Variants in MTREX observed in about 807,000 individuals in gnomAD.
MTREX encodes Mtr4 exosome RNA helicase, also known as exosome RNA helicase MTR4.
A neutral mutation model predicts 135.4 loss-of-function variants in MTREX; 76 were observed. The ratio of observed to expected loss-of-function variants is 0.56; its 90% CI spans 0.47 to 0.68. The LOEUF (loss-of-function observed/expected upper bound fraction) is 0.68. Ranked by LOEUF, MTREX falls within the 30% of genes least tolerant of loss-of-function variation. The pLI, the probability that MTREX is intolerant of heterozygous loss-of-function variation, is 0.00. For synonymous variants in MTREX, 404 were observed against 401.6 expected, an observed-to-expected ratio of 1.01 and a Z score of -0.07; for missense variants, 920 against 1,262.1, an observed-to-expected ratio of 0.73 and a Z score of 4.11.
chr5:55,328,639 T>C, intron 4 of MTREX, 60 bp from the exon 5 acceptor site: 1 of 1,186,554 alleles, frequency 8.4e-7, no homozygotes, highest in South Asian at 1.3e-5. Context: ...GTTTTGATTT[T>C]AAGTATGCTC....
At position 55,425,532 on chromosome 5, in the gene MTREX, C is replaced by A; in HGVS notation, c.*760C>A. On this transcript the variant is annotated 3_prime_UTR_variant, in exon 27 of 27. Coordinates refer to ENST00000230640, the MANE Select transcript of MTREX (RefSeq NM_015360.5). ...ATTAAGAGTTGCTTTGTTATGCCTTCAGCAAATAGCTTCATTTTGCCAATA... is the reference window on the plus strand; with the variant it reads ...ATTAAGAGTTGCTTTGTTATGCCTTAAGCAAATAGCTTCATTTTGCCAATA... 2 of 503,736 alleles carry A rather than the reference C, an allele frequency of 4.0e-6. No individual in the cohort carries two copies. Among genetic ancestry groups the A allele is most frequent in the Non-Finnish European group, 6.6e-6 (2 of 302,870 alleles). The allele number at this position is 503,736 out of a possible 1,614,324, so 31.2% of individuals were successfully genotyped here.
At chr5:55,419,473 G>C (rs1751021396) in intron 25 of MTREX, among the ~76,000 whole-genome samples, 1 of 152,162 alleles carries the variant, frequency 6.6e-6, no homozygotes, top group African/African-American at 2.4e-5. Flanking sequence ...GAGAAATTTT[G>C]AAGACTAAGT....
Position 55,402,842 on chromosome 5 carries a change from A to G in MTREX, c.2481+2421A>G, listed in dbSNP as rs13187436. On this transcript the variant is annotated intron_variant, in intron 21 of 26. Coordinates refer to ENST00000230640, the MANE Select transcript of MTREX (RefSeq NM_015360.5). ...ATTATATGTGTGTGTGTGTGTGTGT[A>G]TGTGTATGTATGTGTGTGTGTGTGT... Among the ~76,000 whole-genome samples, 329 of 46,870 alleles carry G rather than the reference A, an allele frequency of 7.0e-3. 2 individuals carry two copies. The highest frequency in any genetic ancestry group is 0.021 in the East Asian group (49 of 2,336). 30.7% of individuals were successfully genotyped at this position (46,870 alleles called of 152,430 possible). A position where few individuals can be genotyped will look rare whatever the true frequency, so the allele number is the denominator to read the frequency against.
intron 1 of MTREX, among the ~76,000 whole-genome samples, chr5:55,314,710 T>G (rs1213858211): frequency 6.6e-6 from 1 of 152,188 alleles, no homozygotes; most frequent in African/African-American, 2.4e-5. Flanking sequence ...TTGTCCTATT[T>G]TAAGCCAACC....
At chr5:55,353,595 T>TGAGA (rs1323714645) in intron 14 of MTREX, among the ~76,000 whole-genome samples, 2 of 152,216 alleles carry the variant, frequency 1.3e-5, no homozygotes, top group East Asian at 3.9e-4. Context: ...CGCAGCTACT[T>TGAGA]GAGAGGCTGA....
At chr5:55,349,536 C>CATTTTG in intron 11 of MTREX, 37 bp from the exon 12 acceptor site, 1 of 1,107,880 alleles carries the variant, frequency 9.0e-7, no homozygotes. Context: ...ATCACTAACT[C>CATTTTG]ATTTTGATAT....
chr5:55,340,011 T>C lies in MTREX; in HGVS notation c.517T>C (p.Tyr173His), dbSNP rs767879175. The stretch of plus-strand genomic sequence containing the variant: ...GATTATTTGTTTTCACATTTGTAGG[T>C]ATGCCATTGCATTGGCCTTAAGGGA... ...TSAGKTVCAE[Y>H]AIALALREKQ... is the part of the protein sequence containing the mutation. Residue 173 changes from tyrosine to histidine, a missense_variant and splice_region_variant, in exon 6 of 27, where the codon TAT becomes CAT. This residue lies in a region of MTREX where 82 missense variants were observed against 107.4 expected (regional missense o/e 0.76). Coordinates refer to ENST00000230640, the MANE Select transcript of MTREX (RefSeq NM_015360.5). The C allele has an allele frequency of 6.6e-7, 1 of 1,514,512 alleles. No individual in the cohort carries two copies. The highest frequency in any genetic ancestry group is 2.4e-5 in the East Asian group (1 of 40,946). 93.8% of individuals were successfully genotyped at this position (1,514,512 alleles called of 1,614,324 possible). A position where few individuals can be genotyped will look rare whatever the true frequency, so the allele number is the denominator to read the frequency against.
At chr5:55,359,088 T>TGCAA (rs1449150121) in intron 15 of MTREX, among the ~76,000 whole-genome samples, 2 of 152,262 alleles carry the variant, frequency 1.3e-5, no homozygotes, top group African/African-American at 2.4e-5. Flanking sequence ...CCTCTACCTT[T>TGCAA]GCAAGCGCAG....
chr5:55,409,673 C>A (rs1750856979), intron 22 of MTREX, among the ~76,000 whole-genome samples: 1 of 152,088 alleles, frequency 6.6e-6, no homozygotes, highest in Non-Finnish European at 1.5e-5. Flanking sequence ...AAGTAATAAG[C>A]TAGAACTTAA....
intron 1 of MTREX, among the ~76,000 whole-genome samples, chr5:55,318,604 T>C (rs1285524555): frequency 1.3e-5 from 2 of 152,038 alleles, no homozygotes; most frequent in Non-Finnish European, 2.9e-5. Flanking sequence ...CAACAGACAC[T>C]GGGGTCTACT....
chr5:55,423,079 T>C (rs557246928), intron 26 of MTREX, 97 bp downstream of exon 26: 26 of 834,646 alleles, frequency 3.1e-5, no homozygotes, highest in Non-Finnish European at 4.2e-5. Flanking sequence ...TTTTGAGATG[T>C]TCTTCACTGC....
intron 2 of MTREX, 31 bp from the exon 3 acceptor site, chr5:55,324,099 GTT>G: frequency 6.6e-7 from 1 of 1,504,128 alleles, no homozygotes; most frequent in Non-Finnish European, 9.2e-7. Context: ...AAAGTAATTT[GTT>G]TTTGTGTAAC....
rs373262489 is a variant in MTREX, at chr5:55,416,002, A to G, written c.2841A>G (p.Ala947=). 2.5e-6 allele frequency: 4 copies of G among 1,596,202 alleles called. No homozygotes were observed. The highest frequency in any genetic ancestry group is 3.4e-6 in the Non-Finnish European group (4 of 1,174,184). Residue 947 remains alanine, a synonymous_variant, in exon 25 of 27, where the codon GCA becomes GCG. Transcript: ENST00000230640. ...ECAKRIAKVS[A]EAKLEIDEET... is the part of the protein sequence containing the mutation. ...CTAAAAGAATTGCAAAAGTTTCAGC[A>G]GAAGCCAAATTGGAAATTGATGAGG...
At chr5:55,353,389 T>TA in intron 14 of MTREX, 120 bp downstream of exon 14, 1 of 580,336 alleles carries the variant, frequency 1.7e-6, no homozygotes, top group Non-Finnish European at 2.9e-6. Context: ...CCTGAGCTAA[T>TA]ACAGTTTCAT....
Position 55,322,460 on chromosome 5 carries a change from T to A in MTREX, c.268T>A (p.Leu90Ile), listed in dbSNP as rs746338640. 1 of 1,574,386 alleles carries A rather than the reference T, an allele frequency of 6.4e-7. No individual in the cohort carries two copies. The highest frequency in any genetic ancestry group is 1.2e-5 in the South Asian group (1 of 83,062). The change falls in exon 2 of 27, where the codon TTA (leucine) becomes ATA (isoleucine). Residue 90 changes from leucine (L) to isoleucine (I), a missense_variant. Physicochemically the swap from Leu to Ile is conservative, Grantham distance 5. This residue lies in a region of MTREX where 136 missense variants were observed against 126.7 expected (regional missense o/e 1.07). Transcript: ENST00000230640. ...GATAGAAGAGTCAATAACTGAAGAC[T>A]TAAGGTAATATTTCCAAAGTCCTAA... ...PRIEESITED[L>I]SLADLMPRVK...
chr5:55,322,271 G>A, intron 1 of MTREX, 56 bp from the exon 2 acceptor site: 2 of 1,459,916 alleles, frequency 1.4e-6, no homozygotes, highest in Non-Finnish European at 1.8e-6. Flanking sequence ...TTATGATGTT[G>A]CCCTTAAAGT....
chr5:55,330,344 G>A (rs1561188334), intron 5 of MTREX, among the ~76,000 whole-genome samples: 1 of 151,968 alleles, frequency 6.6e-6, no homozygotes, highest in Non-Finnish European at 1.5e-5. Context: ...CCAAAGTGCT[G>A]GGCTTATAGG....
chr5:55,417,262 C>T (rs1037949538), intron 25 of MTREX, among the ~76,000 whole-genome samples: 2 of 152,068 alleles, frequency 1.3e-5, no homozygotes, highest in African/African-American at 4.8e-5. Context: ...TACTATATGC[C>T]AAACACTGTG....
At chr5:55,309,453 A>G (rs1749067120) in intron 1 of MTREX, among the ~76,000 whole-genome samples, 1 of 152,208 alleles carries the variant, frequency 6.6e-6, no homozygotes. Context: ...GTAAAGATGA[A>G]AAGAACCTCA....
Sources: allele counts gnomAD v4.1 joint callset (sites outside exome capture counted in the v4.1 genomes callset), GRCh38; gene constraint gnomAD v4.1.1; regional missense constraint gnomAD v4.1.1; transcripts MANE v1.5; gene names NCBI Gene and HGNC (gene_info 2026-07-23, HGNC 2026-07-21).